The following PCSK2 variants were observed in gnomAD, a reference collection of about 807,000 sequenced individuals.
The protein encoded by PCSK2 is neuroendocrine convertase 2.
In PCSK2, 14 loss-of-function variants were observed where a neutral mutation model predicts 69.7. The ratio of observed to expected loss-of-function variants is 0.20; its 90% CI spans 0.13 to 0.31. The LOEUF (loss-of-function observed/expected upper bound fraction) is 0.31. Ranked by LOEUF, PCSK2 falls within the 10% of genes least tolerant of loss-of-function variation. PCSK2 has a pLI of 1.00. For missense variants in PCSK2, 544 were observed against 842.5 expected (o/e 0.65, Z 4.39); for synonymous variants, 307 against 320.7 (o/e 0.96, Z 0.46).
At chr20:17,348,377 A>G (rs2029879985) in intron 2 of PCSK2, among the ~76,000 whole-genome samples, 1 of 152,226 alleles carries the variant, frequency 6.6e-6, no homozygotes, top group African/African-American at 2.4e-5. Flanking sequence ...CTGCCTTTCT[A>G]CATTACAAAA....
At chr20:17,433,342 A>G (rs1371209174) in intron 7 of PCSK2, among the ~76,000 whole-genome samples, 1 of 152,246 alleles carries the variant, frequency 6.6e-6, no homozygotes, top group Non-Finnish European at 1.5e-5. Context: ...CTGTAAGTAC[A>G]ATGACTAACA....
chr20:17,258,849 A>G (rs1239663848), intron 1 of PCSK2, among the ~76,000 whole-genome samples: 1 of 151,626 alleles, frequency 6.6e-6, no homozygotes, highest in Non-Finnish European at 1.5e-5. Context: ...TAAGGAAATA[A>G]TCATTTGCTC....
At chr20:17,273,951 C>T (rs538192993) in intron 2 of PCSK2, among the ~76,000 whole-genome samples, 2 of 152,222 alleles carry the variant, frequency 1.3e-5, no homozygotes, top group East Asian at 1.9e-4. Context: ...GTAAATGCCT[C>T]AGCTTGAAAA....
intron 6 of PCSK2, among the ~76,000 whole-genome samples, chr20:17,426,481 T>C (rs1225825433): frequency 6.6e-6 from 1 of 152,252 alleles, no homozygotes; most frequent in Non-Finnish European, 1.5e-5. Flanking sequence ...GCAGATTTAA[T>C]TACTTAGTTA....
At position 17,259,483 on chromosome 20, in the gene PCSK2, T is replaced by C. The variant is rs533644672; in HGVS notation, c.178-757T>C. Among the ~76,000 whole-genome samples the C allele has an allele frequency of 2.0e-5, 3 of 152,306 alleles. No individual in the cohort carries two copies. The East Asian group carries it at 5.8e-4, about 29-fold the overall frequency. ...ACAATCATACTGATGGTAACAGACC[T>C]GAGCCACATCCAGGCCTCCAAACTC... On this transcript the variant is annotated intron_variant, in intron 1 of 11. Transcript: ENST00000262545.
At chr20:17,330,268 T>C (rs1990175093) in intron 2 of PCSK2, among the ~76,000 whole-genome samples, 1 of 152,078 alleles carries the variant, frequency 6.6e-6, no homozygotes, top group African/African-American at 2.4e-5. Context: ...TTCCTTTCTA[T>C]GTGAGAGAGA....
In PCSK2 at chr20:17,260,344, G is replaced by C. The variant is rs1469126119; in HGVS notation, c.282G>C (p.Arg94Ser). ...AGCAGCAGCTGGAGAGAGACCCCAG[G>C]GTGAGTTTTCCCCAGAAACCTGCCT... ...HHKQQLERDP[R>S]VKMALQQEGF... Residue 94 changes from arginine to serine, a missense_variant and splice_region_variant, in exon 2 of 12, where the codon AGG becomes AGC. Coordinates refer to ENST00000262545, the MANE Select transcript of PCSK2 (RefSeq NM_002594.5). 1.2e-6 allele frequency: 2 copies of C among 1,607,484 alleles called. No individual in the cohort carries two copies. Among genetic ancestry groups the C allele is most frequent in the South Asian group, 1.1e-5 (1 of 90,964 alleles).
At chr20:17,350,706 C>A (rs1568613621) in intron 2 of PCSK2, among the ~76,000 whole-genome samples, 1 of 152,110 alleles carries the variant, frequency 6.6e-6, no homozygotes, top group Non-Finnish European at 1.5e-5. Flanking sequence ...GCTTCCAAAC[C>A]TTTTTTTCCT....
chr20:17,453,852 C>T lies in PCSK2; in HGVS notation c.996C>T (p.Asn332=). 1 of 1,614,274 alleles carries T rather than the reference C, an allele frequency of 6.2e-7. No homozygotes were observed. Among genetic ancestry groups the T allele is most frequent in the Non-Finnish European group, 8.5e-7 (1 of 1,180,052 alleles). ...YASSMWTISI[N]SAINDGRTAL... ...CCAGCATGTGGACCATCTCCATCAACTCAGCCATCAACGACGGCAGGACTG... is the reference window on the plus strand; with the variant it reads ...CCAGCATGTGGACCATCTCCATCAATTCAGCCATCAACGACGGCAGGACTG... Residue 332 remains asparagine (N), a synonymous_variant, in exon 9 of 12, where the codon AAC becomes AAT. Coordinates refer to ENST00000262545, the MANE Select transcript of PCSK2 (RefSeq NM_002594.5). The surrounding 1 kb of genome is among the most constrained non-coding windows in gnomAD (Gnocchi z 4.0).
intron 5 of PCSK2, among the ~76,000 whole-genome samples, chr20:17,407,442 G>C (rs550406560): frequency 2.8e-4 from 43 of 152,138 alleles, no homozygotes; most frequent in African/African-American, 9.6e-4. Context: ...AGAAAAAAAA[G>C]TATTAACTTG....
intron 7 of PCSK2, among the ~76,000 whole-genome samples, chr20:17,432,177 A>G (rs1237550769): frequency 6.6e-6 from 1 of 152,180 alleles, no homozygotes; most frequent in East Asian, 1.9e-4. Flanking sequence ...CATCTACCTG[A>G]GTTCCTCTTC....
At chr20:17,424,729 G>A (rs1304502561) in intron 6 of PCSK2, among the ~76,000 whole-genome samples, 1 of 152,150 alleles carries the variant, frequency 6.6e-6, no homozygotes, top group African/African-American at 2.4e-5. Flanking sequence ...CTGACCTCGT[G>A]ATCTACCCAC....
intron 2 of PCSK2, among the ~76,000 whole-genome samples, chr20:17,318,871 C>T (rs543291480): frequency 1.4e-4 from 21 of 152,116 alleles, no homozygotes; most frequent in African/African-American, 5.1e-4. Flanking sequence ...GAAGAGTACA[C>T]ACACAATCAG....
intron 1 of PCSK2, among the ~76,000 whole-genome samples, chr20:17,239,223 T>C (rs1478648232): frequency 3.9e-5 from 6 of 152,148 alleles, no homozygotes. Context: ...AGAAAAAATA[T>C]CACTTTTATC....
chr20:17,248,582 T>C (rs1298263135), intron 1 of PCSK2, among the ~76,000 whole-genome samples: 18 of 152,214 alleles, frequency 1.2e-4, no homozygotes. Context: ...AAATAACCAA[T>C]GCCTACAGGT....
chr20:17,421,224 T>C (rs1372921865), intron 6 of PCSK2, among the ~76,000 whole-genome samples: 3 of 152,216 alleles, frequency 2.0e-5, no homozygotes, highest in African/African-American at 7.2e-5. Context: ...AAATTTGAAA[T>C]GTCTAGCATC....
chr20:17,248,535 C>A (rs1986852389), intron 1 of PCSK2, among the ~76,000 whole-genome samples: 1 of 152,216 alleles, frequency 6.6e-6, no homozygotes, highest in South Asian at 2.1e-4. Context: ...GATCTTGGGT[C>A]TGCACTCCAA....
intron 3 of PCSK2, among the ~76,000 whole-genome samples, chr20:17,360,190 A>G (rs1340687654): frequency 6.6e-6 from 1 of 152,250 alleles, no homozygotes; most frequent in Admixed American, 6.5e-5. Context: ...GAAAGTGAGC[A>G]TTTAATTCTA....
intron 1 of PCSK2, among the ~76,000 whole-genome samples, chr20:17,234,965 C>T (rs1986281912): frequency 6.6e-6 from 1 of 152,140 alleles, no homozygotes; most frequent in Non-Finnish European, 1.5e-5. Flanking sequence ...ACTGACATTT[C>T]TATTTGACTT....
Sources: allele counts gnomAD v4.1 joint callset (sites outside exome capture counted in the v4.1 genomes callset), GRCh38; gene constraint gnomAD v4.1.1; non-coding constraint Gnocchi (gnomAD v3.1); transcripts MANE v1.5; gene names NCBI Gene and HGNC (gene_info 2026-07-23, HGNC 2026-07-21).